The following PAK3 variants were observed in gnomAD, a reference collection of about 807,000 sequenced individuals.
The protein encoded by PAK3 is p21 (RAC1) activated kinase 3, also known as serine/threonine-protein kinase PAK 3.
PAK3 carries 4 observed loss-of-function variants against 41.0 expected under a neutral mutation model. That is an observed-to-expected ratio of 0.10 (90% CI 0.05 to 0.22). The LOEUF is 0.22. Ranked by LOEUF, PAK3 falls within the 10% of genes least tolerant of loss-of-function variation. The probability of loss-of-function intolerance (pLI) is 1.00; values close to 1 mark genes in which losing one functional copy is unlikely to be tolerated. For missense variants in PAK3, 205 were observed against 409.9 expected, an observed-to-expected ratio of 0.50 and a Z score of 4.32; for synonymous variants, 146 against 139.6, an observed-to-expected ratio of 1.05 and a Z score of -0.32.
chrX:110,997,680 C>T (rs544460044), intron 1 of PAK3, among the ~76,000 whole-genome samples: 1 of 111,651 alleles, frequency 9.0e-6, no homozygotes, highest in South Asian at 3.8e-4. Flanking sequence ...TAGTTTTCAA[C>T]TTGTTAAGTT....
intron 1 of PAK3, among the ~76,000 whole-genome samples, chrX:111,005,816 G>C (rs1417600568): frequency 1.8e-5 from 2 of 111,745 alleles, no homozygotes. Flanking sequence ...ACTGTGCTAA[G>C]CAGCTGTAAG....
At chrX:111,082,371 C>G (rs2092842047) in intron 1 of PAK3, among the ~76,000 whole-genome samples, 1 of 111,924 alleles carries the variant, frequency 8.9e-6, no homozygotes, top group South Asian at 3.8e-4. Context: ...CATTTGTAAT[C>G]AAGGTGAGGT....
intron 1 of PAK3, among the ~76,000 whole-genome samples, chrX:110,954,957 G>C (rs2090824183): frequency 9.0e-6 from 1 of 111,188 alleles, no homozygotes; most frequent in African/African-American, 3.3e-5. Context: ...CTGGGTGGGG[G>C]AAGACAACCA....
At chrX:110,987,907 G>A (rs1441097695) in intron 1 of PAK3, among the ~76,000 whole-genome samples, 2 of 111,514 alleles carry the variant, frequency 1.8e-5, no homozygotes, top group South Asian at 3.9e-4. Context: ...TAATCTCCCC[G>A]GGTATGTCTT....
intron 4 of PAK3, among the ~76,000 whole-genome samples, chrX:111,121,875 G>A (rs1349393632): frequency 9.0e-6 from 1 of 110,672 alleles, no homozygotes; most frequent in East Asian, 2.8e-4. Context: ...ACATTCCCTT[G>A]GGGAGTTCAT....
At chrX:111,028,388 G>A (rs757978127) in intron 1 of PAK3, among the ~76,000 whole-genome samples, 20 of 110,200 alleles carry the variant, frequency 1.8e-4, no homozygotes, top group African/African-American at 5.9e-4. Context: ...CCCCAAAAAC[G>A]TATTGAAATT....
intron 8 of PAK3, among the ~76,000 whole-genome samples, chrX:111,153,134 T>C (rs1267049292): frequency 8.9e-6 from 1 of 112,227 alleles, no homozygotes; most frequent in Admixed American, 9.5e-5. Context: ...TGTACACTTA[T>C]AATATAAACT....
chrX:111,157,995 C>CA (rs1283389576), intron 8 of PAK3, among the ~76,000 whole-genome samples: 3 of 111,362 alleles, frequency 2.7e-5, no homozygotes, highest in Non-Finnish European at 3.8e-5. Flanking sequence ...CCATTGACTC[C>CA]AAAAATGATC....
At chrX:110,990,446 GAGA>G (rs1193445078) in intron 1 of PAK3, among the ~76,000 whole-genome samples, 1 of 111,591 alleles carries the variant, frequency 9.0e-6, no homozygotes, top group Non-Finnish European at 1.9e-5. Flanking sequence ...TAGTCTACCT[GAGA>G]AGAAGGGACA....
intron 1 of PAK3, among the ~76,000 whole-genome samples, chrX:110,980,453 T>C (rs2091429818): frequency 9.0e-6 from 1 of 111,630 alleles, no homozygotes; most frequent in Non-Finnish European, 1.9e-5. Context: ...GTAGTTCATT[T>C]TAAGGTCCAT....
intron 1 of PAK3, among the ~76,000 whole-genome samples, chrX:111,020,294 A>G (rs1444359590): frequency 1.8e-5 from 2 of 112,266 alleles, no homozygotes; most frequent in Non-Finnish European, 3.8e-5. Flanking sequence ...AATAAGCCAG[A>G]CACCAAAGGA....
intron 1 of PAK3, among the ~76,000 whole-genome samples, chrX:111,042,332 C>T (rs921879591): frequency 8.9e-6 from 1 of 112,190 alleles, no homozygotes; most frequent in Non-Finnish European, 1.9e-5. Flanking sequence ...CTTATCCACA[C>T]CATCTCCTGC....
intron 1 of PAK3, among the ~76,000 whole-genome samples, chrX:111,003,422 A>G (rs1395945552): frequency 9.0e-6 from 1 of 111,115 alleles, no homozygotes; most frequent in Non-Finnish European, 1.9e-5. Flanking sequence ...AGAACTTCCA[A>G]ATTGGGAGGG....
intron 4 of PAK3, among the ~76,000 whole-genome samples, chrX:111,110,630 T>A (rs769413800): frequency 1.1e-4 from 12 of 111,121 alleles, no homozygotes; most frequent in Non-Finnish European, 1.7e-4. Context: ...AGGGCCACAG[T>A]AGTACCATTC....
At chrX:111,172,563 T>C (rs921222156) in intron 10 of PAK3, among the ~76,000 whole-genome samples, 1 of 111,356 alleles carries the variant, frequency 9.0e-6, no homozygotes, top group African/African-American at 3.3e-5. Flanking sequence ...TGTGTATTCA[T>C]TGTTTAGCTC....
chrX:111,012,749 C>T (rs1309799556), intron 1 of PAK3, among the ~76,000 whole-genome samples: 1 of 112,106 alleles, frequency 8.9e-6, no homozygotes, highest in Non-Finnish European at 1.9e-5. Context: ...AATTATTTCA[C>T]ATTTGTTTTA....
Position 111,226,567 on chromosome X carries a change from A to C in PAK3, c.*6120A>C, listed in dbSNP as rs1246296943. The C allele has an allele frequency of 8.9e-6, 1 of 112,589 alleles. No individual in the cohort carries two copies. The highest frequency in any genetic ancestry group is 1.9e-5 in the Non-Finnish European group (1 of 53,347). 9.3% of individuals were successfully genotyped at this position (112,589 alleles called of 1,213,427 possible). Reference sequence around the variant, plus strand: ...CACTTACAAGTTGCAGAGAGAAATGAAAAAGTAATTACATGCTATTAGCAT... The same window carrying C: ...CACTTACAAGTTGCAGAGAGAAATGCAAAAGTAATTACATGCTATTAGCAT... On this transcript the variant is annotated 3_prime_UTR_variant, in exon 18 of 18. Coordinates refer to ENST00000372007, the MANE Select transcript of PAK3 (RefSeq NM_002578.5).
intron 11 of PAK3, among the ~76,000 whole-genome samples, chrX:111,184,121 C>G (rs1031131800): frequency 9.0e-6 from 1 of 111,155 alleles, no homozygotes; most frequent in African/African-American, 3.3e-5. Context: ...CCTGATAATG[C>G]ATGATTACTT....
rs745888741 is a variant in PAK3, at chrX:111,224,704, G to A, written c.*4257G>A. The A allele has an allele frequency of 8.9e-6, 1 of 112,018 alleles. No homozygotes were observed. The highest frequency in any genetic ancestry group is 3.2e-5 in the African/African-American group (1 of 30,853). The allele number at this position is 112,018 out of a possible 1,213,427, so 9.2% of individuals were successfully genotyped here. On this transcript the variant is annotated 3_prime_UTR_variant, in exon 18 of 18. Transcript: ENST00000372007. Reference sequence around the variant, plus strand: ...TAGTTGTGATTTTTAAAGAGCAAGGGAGACCATCTAACCAAAGGATAACTT... The same window carrying A: ...TAGTTGTGATTTTTAAAGAGCAAGGAAGACCATCTAACCAAAGGATAACTT...
Sources: gnomAD v4.1 joint callset for allele counts (sites outside exome capture counted in the v4.1 genomes callset) on GRCh38, gnomAD v4.1.1 for gene constraint, MANE v1.5 for transcripts, NCBI Gene and HGNC (gene_info 2026-07-23, HGNC 2026-07-21) for gene names.